Variants in PGBD5 observed in about 807,000 individuals in gnomAD.
The protein encoded by PGBD5 is piggyBac transposable element derived 5, also known as piggyBac transposable element-derived protein 5.
In PGBD5, 14 loss-of-function variants were observed where a neutral mutation model predicts 47.9. That is an observed-to-expected ratio of 0.29 (90% CI 0.19 to 0.46). PGBD5 has a LOEUF of 0.46. Among genes scored for constraint, PGBD5 ranks in the 20% least tolerant of loss-of-function variants. The pLI is 1.00. For missense variants in PGBD5, 635 were observed against 716.0 expected (o/e 0.89, Z 1.29); for synonymous variants, 316 against 306.3 (o/e 1.03, Z -0.33).
At chr1:230,369,333 A>C (rs1214652662) in intron 1 of PGBD5, among the ~76,000 whole-genome samples, 1 of 152,218 alleles carries the variant, frequency 6.6e-6, no homozygotes, top group East Asian at 1.9e-4. Context: ...CACACCTATA[A>C]GACAGGCTCA....
At chr1:230,383,349 T>C (rs1656558510) in intron 1 of PGBD5, among the ~76,000 whole-genome samples, 1 of 151,592 alleles carries the variant, frequency 6.6e-6, no homozygotes, top group Non-Finnish European at 1.5e-5. Context: ...GCTGGGATTA[T>C]AGGCCACCAT....
At chr1:230,340,342 T>C (rs1325977942) in intron 3 of PGBD5, among the ~76,000 whole-genome samples, 2 of 152,126 alleles carry the variant, frequency 1.3e-5, no homozygotes, top group African/African-American at 2.4e-5. Context: ...TATGTAGGTA[T>C]AATGGAATGT....
intron 3 of PGBD5, among the ~76,000 whole-genome samples, chr1:230,338,547 C>A (rs1315254534): frequency 6.6e-6 from 1 of 152,200 alleles, no homozygotes; most frequent in East Asian, 1.9e-4. Context: ...CGCCTGTAAT[C>A]CCAGCACTTT....
In PGBD5 at chr1:230,334,114, GGAA is replaced by G. The variant is rs1667265402; in HGVS notation, c.1076-1076_1076-1074del. 4.6e-5 allele frequency among the ~76,000 whole-genome samples: 7 copies of G among 152,340 alleles called. No individual in the cohort carries two copies. In the South Asian group the frequency reaches 1.2e-3, roughly 27 times the overall value. ...TCATCCCCGCATCCCACCCTGCACT[GGAA>G]GAAGGACAGTTGAATGAATCTTTTC... On this transcript the variant is annotated intron_variant, in intron 4 of 6. Coordinates refer to ENST00000391860, the MANE Select transcript of PGBD5 (RefSeq NM_001258311.2).
rs1657758844 is a variant in PGBD5 at position 230,425,674 on chromosome 1, C to T, written c.255G>A (p.Pro85=). The change falls in exon 1 of 7, where the codon CCG becomes CCA. Residue 85 remains proline (P), a synonymous_variant. Transcript: ENST00000391860. This position sits in a 1 kb window ranked among gnomAD's most constrained non-coding sequence, Gnocchi z 4.7. ...PPPRAPDAQE[P]EEDEAGAGWS... ...AGCCCGCGCCGGCCTCGTCCTCCTC[C>T]GGCTCCTGTGCGTCCGGGGCGCGGG... 2.5e-6 allele frequency: 3 copies of T among 1,218,662 alleles called. No homozygotes were observed. The highest frequency in any genetic ancestry group is 3.1e-5 in the African/African-American group (2 of 63,700). 75.5% of individuals were successfully genotyped at this position (1,218,662 alleles called of 1,614,324 possible).
chr1:230,364,877 A>G lies in PGBD5; in HGVS notation c.332-7556T>C, dbSNP rs560880016. On this transcript the variant is annotated intron_variant, in intron 1 of 6. Transcript: ENST00000391860. ...CTGCAATAAAAACACAAAATTAGCC[A>G]GACGCAGTGGTGTGTACCTGTAGTC... Among the ~76,000 whole-genome samples, 30 of 152,266 alleles carry G rather than the reference A, an allele frequency of 2.0e-4. No homozygotes were observed. The South Asian group carries it at 6.2e-3, about 32-fold the overall frequency.
At chr1:230,378,367 TC>T (rs991072751) in intron 1 of PGBD5, among the ~76,000 whole-genome samples, 1 of 152,324 alleles carries the variant, frequency 6.6e-6, no homozygotes, top group African/African-American at 2.4e-5. Context: ...AATAGCCTCC[TC>T]CCGTCTTCCA....
intron 1 of PGBD5, among the ~76,000 whole-genome samples, chr1:230,396,849 G>A (rs701191): frequency 0.039 from 5,896 of 152,204 alleles, 379 homozygotes; most frequent in African/African-American, 0.14. Flanking sequence ...GATTGTGTGC[G>A]GAGCAGACCA....
chr1:230,377,158 TA>T (rs1412559175), intron 1 of PGBD5, among the ~76,000 whole-genome samples: 18 of 152,282 alleles, frequency 1.2e-4, no homozygotes, highest in African/African-American at 3.8e-4. Context: ...CCTAAATGCA[TA>T]AGTGTAAGGT....
chr1:230,324,894 G>A (rs1285401521), intron 6 of PGBD5, among the ~76,000 whole-genome samples: 1 of 152,236 alleles, frequency 6.6e-6, no homozygotes, highest in East Asian at 1.9e-4. Context: ...GAACACATGT[G>A]ACTTGGGGTA....
chr1:230,383,835 A>G (rs79703319), intron 1 of PGBD5, among the ~76,000 whole-genome samples: 14,242 of 152,292 alleles, frequency 0.094, 989 homozygotes, highest in African/African-American at 0.19. Context: ...CTGTTCCAGC[A>G]AAAGTCACAC....
intron 3 of PGBD5, among the ~76,000 whole-genome samples, chr1:230,348,590 C>T (rs149212191): frequency 3.0e-4 from 46 of 152,308 alleles, no homozygotes; most frequent in Non-Finnish European, 5.4e-4. Context: ...GCTGTGCTTG[C>T]CCAGGCTGCT....
At chr1:230,362,794 A>T (rs1255638117) in intron 1 of PGBD5, among the ~76,000 whole-genome samples, 2 of 152,214 alleles carry the variant, frequency 1.3e-5, no homozygotes, top group Admixed American at 6.5e-5. Flanking sequence ...TGGCCCACCC[A>T]AGGGGAGGAG....
At chr1:230,388,161 C>T (rs998316532) in intron 1 of PGBD5, among the ~76,000 whole-genome samples, 2 of 152,282 alleles carry the variant, frequency 1.3e-5, no homozygotes, top group South Asian at 2.1e-4. Flanking sequence ...ATGGCCAAGA[C>T]GGTAACTGTA....
rs536511732 is a variant in PGBD5 at position 230,352,221 on chromosome 1, A to T, written c.760-1129T>A. Among the ~76,000 whole-genome samples, 255 of 152,338 alleles carry T rather than the reference A, an allele frequency of 1.7e-3. 1 individual carries two copies. Among genetic ancestry groups the T allele is most frequent in the Non-Finnish European group, 2.9e-3 (200 of 68,044 alleles). ...TCTGTGGTTGCTTTGGGGCTACAAT[A>T]TCAGAACTGACAACACGCAACAGTG... is the stretch of plus-strand genomic sequence containing the variant. On this transcript the variant is annotated intron_variant, in intron 2 of 6. Coordinates refer to ENST00000391860, the MANE Select transcript of PGBD5 (RefSeq NM_001258311.2).
At chr1:230,377,121 T>C (rs370478442) in intron 1 of PGBD5, among the ~76,000 whole-genome samples, 4 of 152,274 alleles carry the variant, frequency 2.6e-5, no homozygotes, top group East Asian at 3.9e-4. Context: ...TAACTCCAAG[T>C]GCATACAGCC....
At chr1:230,389,346 T>C (rs1287437740) in intron 1 of PGBD5, among the ~76,000 whole-genome samples, 2 of 152,124 alleles carry the variant, frequency 1.3e-5, no homozygotes, top group Non-Finnish European at 2.9e-5. Context: ...CTAAGTTTTG[T>C]ATTTTTGGTA....
At chr1:230,324,236 G>A (rs1667081306) in intron 6 of PGBD5, among the ~76,000 whole-genome samples, 1 of 152,200 alleles carries the variant, frequency 6.6e-6, no homozygotes, top group Admixed American at 6.5e-5. Flanking sequence ...TAAAGTATGG[G>A]AGGATCGGTA....
chr1:230,352,539 A>G (rs891169563), intron 2 of PGBD5, among the ~76,000 whole-genome samples: 19 of 152,030 alleles, frequency 1.2e-4, no homozygotes, highest in Non-Finnish European at 2.5e-4. Context: ...CGTGCATTCA[A>G]TTTTCGAAAA....
Sources: gnomAD v4.1 joint callset for allele counts (sites outside exome capture counted in the v4.1 genomes callset) on GRCh38, gnomAD v4.1.1 for gene constraint, Gnocchi (gnomAD v3.1) non-coding constraint, MANE v1.5 for transcripts, NCBI Gene and HGNC (gene_info 2026-07-23, HGNC 2026-07-21) for gene names.